Variants in SETD1B observed in about 807,000 individuals in gnomAD.
SETD1B encodes SET domain containing 1B, histone lysine methyltransferase, also known as histone-lysine N-methyltransferase SETD1B.
A neutral mutation model predicts 148.0 loss-of-function variants in SETD1B; 7 were observed. That is an observed-to-expected ratio of 0.05 (90% CI 0.03 to 0.09). The LOEUF (loss-of-function observed/expected upper bound fraction) is 0.09. SETD1B is among the 10% of genes least tolerant of loss of function. The pLI is 1.00. For synonymous variants in SETD1B, 1,361 were observed against 1,186.5 expected, an observed-to-expected ratio of 1.15 and a Z score of -3.02; for missense variants, 2,155 against 2,729.9, an observed-to-expected ratio of 0.79 and a Z score of 4.69.
intron 11 of SETD1B, among the ~76,000 whole-genome samples, chr12:121,820,331 C>A (rs1457598954): frequency 1.3e-5 from 2 of 152,258 alleles, no homozygotes; most frequent in Non-Finnish European, 2.9e-5. Context: ...AGAACTCTAA[C>A]TGCATGGCCA....
Position 121,823,136 on chromosome 12 carries a change from G to A in SETD1B, c.4557G>A (p.Pro1519=), listed in dbSNP as rs546100995. 19 of 1,409,330 alleles carry A rather than the reference G, an allele frequency of 1.3e-5. No individual in the cohort carries two copies. The highest frequency in any genetic ancestry group is 1.2e-4 in the Admixed American group (5 of 43,182). The allele number at this position is 1,409,330 out of a possible 1,614,324, so 87.3% of individuals were successfully genotyped here. A position where few individuals can be genotyped will look rare whatever the true frequency, so the allele number is the denominator to read the frequency against. The change falls in exon 12 of 17, where the codon CCG becomes CCA. Residue 1519 remains proline, a synonymous_variant. Transcript: ENST00000604567. Reference sequence around the variant, plus strand: ...GCCCTCCCCCAATGAAGAGGAAGCCGGGCCGGCCCCGGCGATCCCCACCAT... The same window carrying A: ...GCCCTCCCCCAATGAAGAGGAAGCCAGGCCGGCCCCGGCGATCCCCACCAT... The part of the protein sequence containing the change: ...ASCPPPMKRK[P]GRPRRSPPSM...
the SETD1B span, chr12:121,797,717 G>A: frequency 2.2e-4 from 90 of 415,544 alleles, no homozygotes; most frequent in African/African-American, 1.4e-3. Context: ...GGAGAGCAAC[G>A]AAGACTCTAA....
the SETD1B span, among the ~76,000 whole-genome samples, chr12:121,798,800 G>A: frequency 6.6e-6 from 1 of 152,196 alleles, no homozygotes; most frequent in South Asian, 2.1e-4. Flanking sequence ...AAATCACAAG[G>A]AGGGGGGCTC....
At position 121,830,353 on chromosome 12, in the gene SETD1B, C is replaced by T; in HGVS notation, c.*114C>T. On this transcript the variant is annotated 3_prime_UTR_variant, in exon 17 of 17. Transcript: ENST00000604567. This position sits in a 1 kb window ranked among gnomAD's most constrained non-coding sequence, Gnocchi z 5.7. ...CCGCCCCCATTTCAGGTGCTGTCCT[C>T]TACCCAGCGGCCATTCAGGGCCTGG... 1 of 1,073,940 alleles carries T rather than the reference C, an allele frequency of 9.3e-7. No individual in the cohort carries two copies. The highest frequency in any genetic ancestry group is 1.6e-5 in the African/African-American group (1 of 62,808). The allele number at this position is 1,073,940 out of a possible 1,614,324, so 66.5% of individuals were successfully genotyped here.
chr12:121,806,340 A>G lies in SETD1B; in HGVS notation c.544+235A>G, dbSNP rs567910641. ...GCCGGTCCTTGGCCACCGCACCCCT[A>G]GGGACCACCCGGAGGCTTCCCCACC... On this transcript the variant is annotated intron_variant, in intron 4 of 16. Transcript: ENST00000604567. Among the ~76,000 whole-genome samples the G allele has an allele frequency of 5.6e-4, 85 of 152,080 alleles. 1 individual carries two copies. The South Asian group carries it at 0.018, about 32-fold the overall frequency.
At chr12:121,800,889 G>T (rs564928787), upstream of SETD1B, 1 of 151,706 alleles carries the variant, frequency 6.6e-6, no homozygotes, top group Non-Finnish European at 1.5e-5. Flanking sequence ...CCCCACGACC[G>T]GGGGGACGGA....
chr12:121,819,976 G>A, intron 11 of SETD1B, 81 bp downstream of exon 11: 1 of 1,225,442 alleles, frequency 8.2e-7, no homozygotes, highest in Non-Finnish European at 1.1e-6. Flanking sequence ...GGCTTCCTGG[G>A]GTAGATCGCT....
At position 121,822,603 on chromosome 12, in the gene SETD1B, A is replaced by G. The variant is rs370158114; in HGVS notation, c.4024A>G (p.Thr1342Ala). ...ACCCAGCCCACCGCCGGAGCCTGAG[A>G]CCACAGATGCCTCACACCCATCTGT... is the stretch of plus-strand genomic sequence containing the variant. Reference protein sequence around the residue: ...RPPSPPPEPETTDASHPSVPP... With the variant: ...RPPSPPPEPEATDASHPSVPP... Residue 1342 changes from threonine (T) to alanine (A), a missense_variant, in exon 12 of 17, where the codon ACC becomes GCC. Thr to Ala is a moderately conservative substitution (Grantham distance 58, BLOSUM62 0). Transcript: ENST00000604567. 5.8e-6 allele frequency: 9 copies of G among 1,550,696 alleles called. No individual in the cohort carries two copies. The African/African-American group carries it at 1.1e-4, about 19-fold the overall frequency.
chr12:121,810,750 A>G lies in SETD1B; in HGVS notation c.1805A>G (p.Asp602Gly). ...CCTCCACCTGAGCCAGGCCCCCCGG[A>G]CCCTGCTGGGCTTCTGAGCCAGACA... ...PRPPPEPGPPDPAGLLSQTAE... is the reference protein window; with the variant it reads ...PRPPPEPGPPGPAGLLSQTAE... The change falls in exon 6 of 17, where the codon GAC becomes GGC. Residue 602 changes from aspartate to glycine, a missense_variant. Coordinates refer to ENST00000604567, the MANE Select transcript of SETD1B (RefSeq NM_001353345.2). This position sits in a 1 kb window ranked among gnomAD's most constrained non-coding sequence, Gnocchi z 7.6. The G allele has an allele frequency of 6.4e-7, 1 of 1,550,668 alleles. No homozygotes were observed. The highest frequency in any genetic ancestry group is 1.2e-5 in the South Asian group (1 of 83,950).
chr12:121,797,703 A>C, the SETD1B span: 1 of 420,938 alleles, frequency 2.4e-6, no homozygotes, highest in Admixed American at 2.5e-5. Context: ...TAAAGACCCC[A>C]CCCGGAGAGC....
chr12:121,804,329 G>C lies in SETD1B; in HGVS notation c.-15+96G>C, dbSNP rs1011986014. On this transcript the variant is annotated intron_variant, in intron 1 of 16. Coordinates refer to ENST00000604567, the MANE Select transcript of SETD1B (RefSeq NM_001353345.2). This position sits in a 1 kb window ranked among gnomAD's most constrained non-coding sequence, Gnocchi z 4.6. The stretch of plus-strand genomic sequence containing the variant: ...GGCCCGAGCGGGCGAGCGGGCGGGC[G>C]GGCGGCGGCGCCGCCAGGCCCTGCC... 1 of 144,742 alleles carries C rather than the reference G, an allele frequency of 6.9e-6. No homozygotes were observed. The highest frequency in any genetic ancestry group is 2.5e-5 in the African/African-American group (1 of 40,402). The allele number at this position is 144,742 out of a possible 1,614,324, so 9.0% of individuals were successfully genotyped here.
At chr12:121,818,031 AC>A (rs1354931976) in intron 10 of SETD1B, 127 bp downstream of exon 10, 1 of 883,496 alleles carries the variant, frequency 1.1e-6, no homozygotes, top group Non-Finnish European at 1.7e-6. Flanking sequence ...CCTTGTTAAA[AC>A]ACACACACAG....
rs532164480 is a variant in SETD1B at position 121,827,398 on chromosome 12, G to C, written c.5338-121G>C. On this transcript the variant is annotated intron_variant, in intron 13 of 16. Coordinates refer to ENST00000604567, the MANE Select transcript of SETD1B (RefSeq NM_001353345.2). Reference sequence around the variant, plus strand: ...AAGCGGTGACAATTAGGGACCGACAGGTGTGGAGAAGCCCAGAGCAAGGAG... The same window carrying C: ...AAGCGGTGACAATTAGGGACCGACACGTGTGGAGAAGCCCAGAGCAAGGAG... 2.4e-6 allele frequency: 3 copies of C among 1,252,338 alleles called. No individual in the cohort carries two copies. The African/African-American group carries it at 4.5e-5, about 19-fold the overall frequency. The allele number at this position is 1,252,338 out of a possible 1,614,324, so 77.6% of individuals were successfully genotyped here. A position where few individuals can be genotyped will look rare whatever the true frequency, so the allele number is the denominator to read the frequency against.
rs199788255 is a variant in SETD1B, at chr12:121,829,994, G to T, written c.5728-72G>T. The T allele has an allele frequency of 5.2e-4, 759 of 1,445,902 alleles. 9 individuals are homozygous for T. The East Asian group carries it at 0.014, about 27-fold the overall frequency. The allele number at this position is 1,445,902 out of a possible 1,614,324, so 89.6% of individuals were successfully genotyped here. A position where few individuals can be genotyped will look rare whatever the true frequency, so the allele number is the denominator to read the frequency against. On this transcript the variant is annotated intron_variant, in intron 16 of 16. Transcript: ENST00000604567. ...AGGCCTTAAGCACAGGCCTGGTTGG[G>T]TTTGGGGGGTCTGCAGTGGTGGGGG...
At chr12:121,826,496 C>T (rs1876847340) in intron 13 of SETD1B, among the ~76,000 whole-genome samples, 1 of 152,170 alleles carries the variant, frequency 6.6e-6, no homozygotes, top group Non-Finnish European at 1.5e-5. Flanking sequence ...TGCAAAGGCC[C>T]TGAGGCAGCA....
the SETD1B span, among the ~76,000 whole-genome samples, chr12:121,798,876 T>C: frequency 1.1e-3 from 168 of 152,332 alleles, 2 homozygotes; most frequent in East Asian, 4.6e-3. Flanking sequence ...AACTATTCAA[T>C]ACATGAAGTC....
upstream of SETD1B, chr12:121,800,955 G>T (rs1010117908): frequency 6.6e-6 from 1 of 152,156 alleles, no homozygotes; most frequent in African/African-American, 2.4e-5. Context: ...AGCCCTGCCC[G>T]GCTGGGCCCG....
At position 121,810,449 on chromosome 12, in the gene SETD1B, C is replaced by T. The variant is rs1258092240; in HGVS notation, c.1504C>T (p.Arg502Cys). Residue 502 changes from arginine (R) to cysteine (C), a missense_variant, in exon 6 of 17, where the codon CGC (arginine) becomes TGC (cysteine). Around this residue, in one of 11 missense-constraint regions of SETD1B, gnomAD observed 376 missense variants for 385.0 expected, o/e 0.98. Transcript: ENST00000604567. This position sits in a 1 kb window ranked among gnomAD's most constrained non-coding sequence, Gnocchi z 7.6. The part of the protein sequence containing the change: ...PEKPHDSLDS[R>C]IEMLLKEQRT... ...GAAACCCCACGACAGCCTGGACTCGCGCATCGAGATGCTGCTGAAGGAGCA... is the reference window on the plus strand; with the variant it reads ...GAAACCCCACGACAGCCTGGACTCGTGCATCGAGATGCTGCTGAAGGAGCA... 1.3e-6 allele frequency: 2 copies of T among 1,549,082 alleles called. No individual in the cohort carries two copies. The highest frequency in any genetic ancestry group is 2.0e-5 in the Admixed American group (1 of 51,026).
At chr12:121,816,950 GA>G in intron 7 of SETD1B, 82 bp from the exon 8 acceptor site, 1 of 1,287,884 alleles carries the variant, frequency 7.8e-7, no homozygotes, top group Non-Finnish European at 1.0e-6. Context: ...CTGCCGAGTG[GA>G]AGGCAGGTAG....
Sources: gnomAD v4.1 joint callset for allele counts (sites outside exome capture counted in the v4.1 genomes callset) on GRCh38, gnomAD v4.1.1 for gene constraint, gnomAD v4.1.1 regional missense constraint, Gnocchi (gnomAD v3.1) non-coding constraint, MANE v1.5 for transcripts, NCBI Gene and HGNC (gene_info 2026-07-23, HGNC 2026-07-21) for gene names.